Variants in TRIM37 observed in about 807,000 individuals in gnomAD.
TRIM37 encodes the protein tripartite motif containing 37.
TRIM37 carries 80 observed loss-of-function variants against 129.8 expected under a neutral mutation model. That is an observed-to-expected ratio of 0.62 (90% confidence interval 0.51 to 0.74). The LOEUF is 0.74. Among genes scored for constraint, TRIM37 ranks in the 30% least tolerant of loss-of-function variants. The pLI, the probability that TRIM37 is intolerant of heterozygous loss-of-function variation, is 0.00. For synonymous variants in TRIM37, 389 were observed against 387.1 expected (o/e 1.00, Z -0.06); for missense variants, 1,054 against 1,176.5 (o/e 0.90, Z 1.52).
intron 2 of TRIM37, among the ~76,000 whole-genome samples, chr17:59,094,177 C>A (rs1184664876): frequency 6.6e-6 from 1 of 152,062 alleles, no homozygotes; most frequent in African/African-American, 2.4e-5. Flanking sequence ...TACAGGCATA[C>A]AGGCATGAAA....
At chr17:59,069,668 C>T (rs1318658372) in intron 9 of TRIM37, among the ~76,000 whole-genome samples, 1 of 152,160 alleles carries the variant, frequency 6.6e-6, no homozygotes, top group Non-Finnish European at 1.5e-5. Flanking sequence ...CATCTGAACC[C>T]TATGTCACAG....
At chr17:59,102,547 T>G (rs760729917) in intron 2 of TRIM37, among the ~76,000 whole-genome samples, 3 of 152,226 alleles carry the variant, frequency 2.0e-5, no homozygotes, top group Non-Finnish European at 4.4e-5. Context: ...TATTTCATAA[T>G]TTCTGAATTA....
intron 13 of TRIM37, among the ~76,000 whole-genome samples, 186 bp from the exon 14 acceptor site, chr17:59,051,514 T>C (rs913747313): frequency 6.6e-6 from 1 of 152,220 alleles, no homozygotes; most frequent in African/African-American, 2.4e-5. Flanking sequence ...GAAAAGCCAG[T>C]TGTCCTCAAA....
chr17:59,063,658 T>A (rs958782126), intron 10 of TRIM37, among the ~76,000 whole-genome samples: 13 of 152,214 alleles, frequency 8.5e-5, no homozygotes, highest in African/African-American at 3.1e-4. Context: ...AAAATTAACA[T>A]ACAACTGACA....
intron 4 of TRIM37, 45 bp from the exon 5 acceptor site, chr17:59,084,134 C>T (rs1196899101): frequency 3.5e-6 from 5 of 1,446,560 alleles, no homozygotes; most frequent in Non-Finnish European, 4.8e-6. Flanking sequence ...TAAATTGGAA[C>T]ATAATCACCT....
intron 17 of TRIM37, among the ~76,000 whole-genome samples, chr17:59,036,897 G>A (rs2038581269): frequency 6.6e-6 from 1 of 151,992 alleles, no homozygotes; most frequent in Non-Finnish European, 1.5e-5. Context: ...TGGATCACTT[G>A]AGGTCAGGAG....
At chr17:59,014,928 C>A (rs1226099963) in intron 21 of TRIM37, among the ~76,000 whole-genome samples, 1 of 147,346 alleles carries the variant, frequency 6.8e-6, no homozygotes, top group Non-Finnish European at 1.5e-5. Context: ...AAAAAAAAAT[C>A]AGCTGGGCGT....
At chr17:58,980,780 C>T (rs1338560387), downstream of TRIM37, 2 of 1,614,128 alleles carry the variant, frequency 1.2e-6, no homozygotes, top group South Asian at 2.2e-5. The surrounding 1 kb of genome is among the most constrained non-coding windows in gnomAD (Gnocchi z 4.7). Context: ...TTTACGCCAC[C>T]ACTACTCAAA....
the TRIM37 span, among the ~76,000 whole-genome samples, chr17:58,973,813 G>A: frequency 6.6e-6 from 1 of 152,026 alleles, no homozygotes; most frequent in African/African-American, 2.4e-5. Context: ...TTAGCTGGGT[G>A]TTGTGGCACA....
chr17:59,094,688 G>A (rs1375330544), intron 2 of TRIM37, among the ~76,000 whole-genome samples: 2 of 152,090 alleles, frequency 1.3e-5, no homozygotes, highest in African/African-American at 2.4e-5. Flanking sequence ...GAAGATTAAG[G>A]TGAGCTAGGT....
At chr17:58,996,881 C>G (rs530703631), downstream of TRIM37, among the ~76,000 whole-genome samples, 1 of 151,560 alleles carries the variant, frequency 6.6e-6, no homozygotes, top group South Asian at 2.1e-4. Context: ...ATGTGATGCA[C>G]TAAGGGCCTT....
chr17:59,017,446 C>G lies in TRIM37; in HGVS notation c.2258-22G>C, dbSNP rs751211436. ...GTGGCTGCAAAGACATTTAAGAACA[C>G]CTCTGAATAGGCTACTACAGCACAA... On this transcript the variant is annotated intron_variant, in intron 19 of 23. Coordinates refer to ENST00000262294, the MANE Select transcript of TRIM37 (RefSeq NM_015294.6). 4.3e-6 allele frequency: 7 copies of G among 1,613,502 alleles called. No individual in the cohort carries two copies. In the East Asian group the frequency reaches 1.6e-4, roughly 36 times the overall value.
the TRIM37 span, among the ~76,000 whole-genome samples, chr17:58,967,460 A>G: frequency 2.0e-5 from 3 of 151,726 alleles, no homozygotes; most frequent in African/African-American, 7.3e-5. Context: ...GTAGGCTATA[A>G]AATGTCATGC....
At chr17:59,022,724 TAC>T (rs2036753562) in intron 19 of TRIM37, among the ~76,000 whole-genome samples, 1 of 152,062 alleles carries the variant, frequency 6.6e-6, no homozygotes, top group African/African-American at 2.4e-5. Flanking sequence ...GTATTGTTGT[TAC>T]TAAACAGGTT....
At chr17:58,981,259 G>C (rs757374861), downstream of TRIM37, 24 of 476,694 alleles carry the variant, frequency 5.0e-5, no homozygotes, top group Non-Finnish European at 8.5e-5. Flanking sequence ...CCTGTGATGT[G>C]TCTCGACACC....
chr17:59,072,749 A>C (rs1394662848), intron 8 of TRIM37, among the ~76,000 whole-genome samples: 1 of 146,162 alleles, frequency 6.8e-6, no homozygotes, highest in South Asian at 2.1e-4. Context: ...CTCTGTCTCA[A>C]AAAAAAAAAA....
At chr17:59,032,734 C>A (rs937577335) in intron 17 of TRIM37, among the ~76,000 whole-genome samples, 1 of 151,936 alleles carries the variant, frequency 6.6e-6, no homozygotes, top group Non-Finnish European at 1.5e-5. Context: ...GAGATTATAT[C>A]CCATGACCAC....
intron 16 of TRIM37, among the ~76,000 whole-genome samples, chr17:59,043,258 G>A (rs2039446986): frequency 6.6e-6 from 1 of 151,914 alleles, no homozygotes; most frequent in Non-Finnish European, 1.5e-5. Flanking sequence ...GCTTGACAAT[G>A]TAAGGAGCTC....
intron 9 of TRIM37, among the ~76,000 whole-genome samples, chr17:59,068,414 C>A (rs945346737): frequency 6.6e-6 from 1 of 152,204 alleles, no homozygotes; most frequent in African/African-American, 2.4e-5. Flanking sequence ...GTCATCCATG[C>A]ACCACACTTT....
Sources: gnomAD v4.1 joint callset for allele counts (sites outside exome capture counted in the v4.1 genomes callset) on GRCh38, gnomAD v4.1.1 for gene constraint, Gnocchi (gnomAD v3.1) non-coding constraint, MANE v1.5 for transcripts, NCBI Gene and HGNC (gene_info 2026-07-23, HGNC 2026-07-21) for gene names.